Variants in MYO16 observed in about 807,000 individuals in gnomAD.
MYO16 encodes unconventional myosin-XVI.
In MYO16, 94 loss-of-function variants were observed where a neutral mutation model predicts 205.3. The ratio of observed to expected loss-of-function variants is 0.46; its 90% CI spans 0.39 to 0.54. The LOEUF (loss-of-function observed/expected upper bound fraction) is 0.54. Ranked by LOEUF, MYO16 falls within the 20% of genes least tolerant of loss-of-function variation. The pLI, the probability that MYO16 is intolerant of heterozygous loss-of-function variation, is 0.00. For synonymous variants in MYO16, 988 were observed against 954.0 expected, an observed-to-expected ratio of 1.04 and a Z score of -0.66; for missense variants, 2,315 against 2,387.5, an observed-to-expected ratio of 0.97 and a Z score of 0.63.
chr13:108,721,157 G>A (rs1239912061), intron 3 of MYO16, among the ~76,000 whole-genome samples: 1 of 152,210 alleles, frequency 6.6e-6, no homozygotes, highest in Non-Finnish European at 1.5e-5. Context: ...ATGAAATAGT[G>A]CAGTACAAGA....
intron 22 of MYO16, among the ~76,000 whole-genome samples, chr13:109,018,345 C>T (rs1885899939): frequency 6.6e-6 from 1 of 152,146 alleles, no homozygotes; most frequent in Non-Finnish European, 1.5e-5. Context: ...GCTGCCTGAT[C>T]CTTCCTCTGG....
intron 15 of MYO16, among the ~76,000 whole-genome samples, chr13:108,900,822 C>A (rs1287588969): frequency 6.6e-6 from 1 of 152,188 alleles, no homozygotes; most frequent in African/African-American, 2.4e-5. Flanking sequence ...TAACCTTAAA[C>A]TCTGACTGCC....
chr13:109,107,810 C>CATATTATATTATATTATATTATGTT (rs1889163068), intron 28 of MYO16, among the ~76,000 whole-genome samples: 2 of 141,398 alleles, frequency 1.4e-5, no homozygotes, highest in Non-Finnish European at 3.1e-5. Flanking sequence ...CATATATATT[C>CATATTATATTATATTATATTATGTT]ATATTATATT....
chr13:109,145,228 C>T (rs1000801991), intron 32 of MYO16, among the ~76,000 whole-genome samples: 1 of 152,178 alleles, frequency 6.6e-6, no homozygotes, highest in African/African-American at 2.4e-5. Flanking sequence ...AAAACTGGGG[C>T]ACAGGGAGAT....
At chr13:108,597,032 C>T (rs908230257) in intron 1 of MYO16, among the ~76,000 whole-genome samples, 1 of 152,114 alleles carries the variant, frequency 6.6e-6, no homozygotes, top group Non-Finnish European at 1.5e-5. Context: ...GATGAATGTA[C>T]TAAATTATCA....
intron 9 of MYO16, among the ~76,000 whole-genome samples, chr13:108,831,317 C>A (rs190719878): frequency 2.4e-4 from 36 of 152,208 alleles, no homozygotes; most frequent in South Asian, 8.3e-4. Context: ...TTTAAAAAAT[C>A]ATTTATTATT....
intron 9 of MYO16, among the ~76,000 whole-genome samples, chr13:108,831,830 A>T (rs577617767): frequency 6.6e-6 from 1 of 152,158 alleles, no homozygotes; most frequent in East Asian, 1.9e-4. Context: ...ACTTTCTAAG[A>T]ATAACAGAGC....
At chr13:109,095,652 A>C (rs1394229007) in intron 27 of MYO16, among the ~76,000 whole-genome samples, 1 of 152,244 alleles carries the variant, frequency 6.6e-6, no homozygotes, top group African/African-American at 2.4e-5. Flanking sequence ...TACTATATTC[A>C]GATGCTCGAA....
At chr13:108,899,712 T>C (rs1461454308) in intron 15 of MYO16, among the ~76,000 whole-genome samples, 1 of 152,128 alleles carries the variant, frequency 6.6e-6, no homozygotes, top group East Asian at 1.9e-4. Context: ...CCCCCTGAGC[T>C]CTCAGTGACT....
chr13:109,005,065 C>A (rs1391943731), intron 21 of MYO16, among the ~76,000 whole-genome samples: 1 of 152,084 alleles, frequency 6.6e-6, no homozygotes, highest in Non-Finnish European at 1.5e-5. Flanking sequence ...AGGAAAAGTT[C>A]TAGTTACTTA....
At chr13:109,189,691 GA>G (rs574148992) in intron 34 of MYO16, among the ~76,000 whole-genome samples, 55 of 151,874 alleles carry the variant, frequency 3.6e-4, no homozygotes, top group African/African-American at 1.2e-3. Flanking sequence ...AAATAGTGGG[GA>G]AAAAAAATCG....
At chr13:108,510,448 A>T in the MYO16 span, among the ~76,000 whole-genome samples, 2 of 76,468 alleles carry the variant, frequency 2.6e-5, no homozygotes, top group Non-Finnish European at 5.2e-5. Flanking sequence ...TTTTATATTT[A>T]ACATTGATAG....
chr13:108,638,220 C>T (rs891241294), intron 1 of MYO16, among the ~76,000 whole-genome samples: 1 of 152,080 alleles, frequency 6.6e-6, no homozygotes, highest in African/African-American at 2.4e-5. Flanking sequence ...GTTCGAAGAC[C>T]CTGAGGCAGG....
At chr13:108,571,301 GAAAA>G in the MYO16 span, among the ~76,000 whole-genome samples, 1 of 127,134 alleles carries the variant, frequency 7.9e-6, no homozygotes, top group Non-Finnish European at 1.7e-5. Context: ...GCCCTGGGAT[GAAAA>G]AAAAAAAAAA....
At chr13:108,755,947 G>C (rs1241432566) in intron 4 of MYO16, among the ~76,000 whole-genome samples, 1 of 152,128 alleles carries the variant, frequency 6.6e-6, no homozygotes. Context: ...ATTTTGAAGT[G>C]CTTCCGTTAC....
chr13:108,894,258 C>G (rs949495709), intron 14 of MYO16, among the ~76,000 whole-genome samples: 2 of 152,072 alleles, frequency 1.3e-5, no homozygotes, highest in African/African-American at 4.8e-5. Context: ...GATTACAATT[C>G]GACTCGAGAT....
the MYO16 span, among the ~76,000 whole-genome samples, chr13:108,574,910 T>C: frequency 6.6e-6 from 1 of 152,028 alleles, no homozygotes; most frequent in Non-Finnish European, 1.5e-5. Flanking sequence ...CACACTCCAG[T>C]GTGACTAGTT....
chr13:108,910,862 C>T (rs987077512), intron 16 of MYO16, among the ~76,000 whole-genome samples: 7 of 151,836 alleles, frequency 4.6e-5, no homozygotes, highest in African/African-American at 9.7e-5. Context: ...AATTCAGTGG[C>T]GGTGGGGGGC....
chr13:109,132,963 G>T (rs991071478), intron 31 of MYO16, among the ~76,000 whole-genome samples: 1 of 152,150 alleles, frequency 6.6e-6, no homozygotes, highest in African/African-American at 2.4e-5. Context: ...CTTGCCCTCC[G>T]TGGAAACTGC....
Sources: gnomAD v4.1 joint callset for allele counts (sites outside exome capture counted in the v4.1 genomes callset) on GRCh38, gnomAD v4.1.1 for gene constraint, MANE v1.5 for transcripts, NCBI Gene and HGNC (gene_info 2026-07-23, HGNC 2026-07-21) for gene names.